The following FAM149A variants were observed in gnomAD, a reference collection of about 807,000 sequenced individuals.
FAM149A encodes protein FAM149A.
Under a neutral mutation model 78.2 loss-of-function variants are expected in FAM149A, and 71 were observed. The observed-to-expected ratio is 0.91, with a 90% CI of 0.75 to 1.11. FAM149A has a LOEUF of 1.11. Among genes scored for constraint, FAM149A ranks in the 50% least tolerant of loss-of-function variants. The pLI is 0.00. For synonymous variants in FAM149A, 446 were observed against 410.5 expected (o/e 1.09, Z -1.04); for missense variants, 1,036 against 971.0 (o/e 1.07, Z -0.89).
At chr4:186,107,459 C>T (rs1579750302) in intron 1 of FAM149A, 1 of 152,166 alleles carries the variant, frequency 6.6e-6, no homozygotes, top group Non-Finnish European at 1.5e-5. Context: ...CCTTCTGTCA[C>T]CCAGGTTGGA....
chr4:186,161,399 C>A (rs1022896708), intron 8 of FAM149A, among the ~76,000 whole-genome samples: 1 of 152,144 alleles, frequency 6.6e-6, no homozygotes, highest in Non-Finnish European at 1.5e-5. Flanking sequence ...GAGAACAGAG[C>A]GTCTCAGAGG....
intron 1 of FAM149A, among the ~76,000 whole-genome samples, chr4:186,111,482 C>T (rs2099311265): frequency 1.3e-5 from 2 of 152,086 alleles, no homozygotes; most frequent in Admixed American, 6.5e-5. Context: ...TGCCAATGTC[C>T]TGAATGGTAA....
chr4:186,125,201 C>T (rs2099317785), intron 1 of FAM149A: 1 of 961,442 alleles, frequency 1.0e-6, no homozygotes, highest in African/African-American at 1.8e-5. Context: ...TGGCATCTCA[C>T]AAACCTTTTC....
At chr4:186,116,626 A>G (rs1174003590) in intron 1 of FAM149A, 1 of 973,442 alleles carries the variant, frequency 1.0e-6, no homozygotes, top group African/African-American at 1.8e-5. Context: ...ACAGAGTCTC[A>G]CTCTGTCACC....
chr4:186,104,887 C>G lies in FAM149A; in HGVS notation c.-190C>G. The G allele has an allele frequency of 1.1e-6, 1 of 889,044 alleles. No homozygotes were observed. Among genetic ancestry groups the G allele is most frequent in the African/African-American group, 1.8e-5 (1 of 55,464 alleles). 55.1% of individuals were successfully genotyped at this position (889,044 alleles called of 1,614,324 possible). A position where few individuals can be genotyped will look rare whatever the true frequency, so the allele number is the denominator to read the frequency against. On this transcript the variant is annotated 5_prime_UTR_variant, in exon 1 of 14. Coordinates refer to ENST00000389354, the MANE Select transcript of FAM149A (RefSeq NM_001367768.3). The stretch of plus-strand genomic sequence containing the variant: ...GCAGCCGGGGCGCTCGGCGGACGGA[C>G]CCGGGCCGGGGAAGGGCGACCCCAG...
At chr4:186,152,539 C>CTTTTTTTT (rs10718602) in intron 4 of FAM149A, among the ~76,000 whole-genome samples, 58 of 88,280 alleles carry the variant, frequency 6.6e-4, no homozygotes, top group Non-Finnish European at 9.1e-4. Context: ...TTTCTTTTTG[C>CTTTTTTTT]TTTTTTTTTT....
intron 1 of FAM149A, among the ~76,000 whole-genome samples, chr4:186,134,202 A>AT (rs1051010429): frequency 1.9e-4 from 29 of 152,022 alleles, no homozygotes; most frequent in Admixed American, 6.5e-5. Context: ...TCTTTTTTAC[A>AT]TTTTTTGGCA....
rs1483931540 is a variant in FAM149A at position 186,104,761 on chromosome 4, C to CGTCTGG, written c.-315_-314insTCTGGG. Among the ~76,000 whole-genome samples the CGTCTGG allele has an allele frequency of 1.4e-5, 2 of 139,108 alleles. No homozygotes were observed. Among genetic ancestry groups the CGTCTGG allele is most frequent in the Non-Finnish European group, 3.2e-5 (2 of 61,872 alleles). The allele number at this position is 139,108 out of a possible 152,430, so 91.3% of individuals were successfully genotyped here. ...GCAACCGCGGGCGGCGGGCGGCGGG[C>CGTCTGG]GGCGGGCGTCTGGGGCGGGCGGCGG... On this transcript the variant is annotated 5_prime_UTR_variant, in exon 1 of 14. Transcript: ENST00000389354.
At chr4:186,108,886 C>G (rs1156567873) in intron 1 of FAM149A, among the ~76,000 whole-genome samples, 1 of 148,338 alleles carries the variant, frequency 6.7e-6, no homozygotes, top group South Asian at 2.1e-4. Flanking sequence ...CTTGCTCTGT[C>G]GCCCAGGCTG....
At chr4:186,105,936 GTGTT>G (rs768518868) in intron 1 of FAM149A, among the ~76,000 whole-genome samples, 5 of 152,320 alleles carry the variant, frequency 3.3e-5, no homozygotes, top group East Asian at 1.9e-4. Flanking sequence ...GCTACTTAGA[GTGTT>G]TGTTTGGTTT....
rs1398695679 is a variant in FAM149A, at chr4:186,169,413, A to C, written c.2218+2151A>C. 3.0e-6 allele frequency: 3 copies of C among 985,316 alleles called. No homozygotes were observed. The African/African-American group carries it at 5.2e-5, about 17-fold the overall frequency. 61.0% of individuals were successfully genotyped at this position (985,316 alleles called of 1,614,324 possible). A position where few individuals can be genotyped will look rare whatever the true frequency, so the allele number is the denominator to read the frequency against. On this transcript the variant is annotated intron_variant, in intron 13 of 13. Coordinates refer to ENST00000389354, the MANE Select transcript of FAM149A (RefSeq NM_001367768.3). ...CCCCATGCAGACGTCCCCAGGCCCC[A>C]GGTGAGGCACATGTGGCCTCACACA... is the stretch of plus-strand genomic sequence containing the variant.
In FAM149A at chr4:186,151,906, T is replaced by A. The variant is rs1320129439; in HGVS notation, c.793T>A (p.Phe265Ile). 1 of 1,613,924 alleles carries A rather than the reference T, an allele frequency of 6.2e-7. No individual in the cohort carries two copies. Among genetic ancestry groups the A allele is most frequent in the South Asian group, 1.1e-5 (1 of 91,060 alleles). Residue 265 changes from phenylalanine to isoleucine, a missense_variant, in exon 4 of 14, where the codon TTT becomes ATT. Around this residue, in one of 3 missense-constraint regions of FAM149A, gnomAD observed 716 missense variants for 711.8 expected, o/e 1.01. Transcript: ENST00000389354. ...CCAAGTGTGCATTTCTGTTTAGGAA[T>A]TTGACGAAGCCAGTTCACAGTCAGT...
In FAM149A at chr4:186,144,505, G is replaced by A. The variant is rs890131614; in HGVS notation, c.567-4668G>A. ...GGTGTGCGCACCCTTTGATGGGGCG[G>A]GGATAGGCGAGATGGTCCTGTGGTT... is the stretch of plus-strand genomic sequence containing the variant. On this transcript the variant is annotated intron_variant, in intron 1 of 13. Transcript: ENST00000389354. This position sits in a 1 kb window ranked among gnomAD's most constrained non-coding sequence, Gnocchi z 4.2. The A allele has an allele frequency of 4.6e-5, 7 of 152,322 alleles. No homozygotes were observed. The highest frequency in any genetic ancestry group is 1.7e-4 in the African/African-American group (7 of 41,454). 9.4% of individuals were successfully genotyped at this position (152,322 alleles called of 1,614,324 possible). A position where few individuals can be genotyped will look rare whatever the true frequency, so the allele number is the denominator to read the frequency against.
intron 1 of FAM149A, among the ~76,000 whole-genome samples, chr4:186,140,254 A>G (rs1043328059): frequency 4.6e-5 from 7 of 152,120 alleles, no homozygotes; most frequent in Non-Finnish European, 4.4e-5. Flanking sequence ...ATCTTATATT[A>G]CTAATTAATT....
intron 1 of FAM149A, among the ~76,000 whole-genome samples, chr4:186,137,289 A>G (rs1305663373): frequency 1.3e-5 from 2 of 151,646 alleles, no homozygotes; most frequent in Non-Finnish European, 2.9e-5. Context: ...GCCACCTTTC[A>G]GGTGGCTGAA....
At chr4:186,112,047 T>C (rs1347104507) in intron 1 of FAM149A, among the ~76,000 whole-genome samples, 1 of 145,688 alleles carries the variant, frequency 6.9e-6, no homozygotes, top group East Asian at 2.1e-4. Context: ...GTTCTTCCAT[T>C]TGTTTGTATC....
Position 186,143,782 on chromosome 4 carries a change from C to T in FAM149A, c.567-5391C>T, listed in dbSNP as rs1029130837. 2.0e-4 allele frequency among the ~76,000 whole-genome samples: 30 copies of T among 152,294 alleles called. 1 individual carries two copies. Among genetic ancestry groups the T allele is most frequent in the Non-Finnish European group, 4.0e-4 (27 of 68,026 alleles). On this transcript the variant is annotated intron_variant, in intron 1 of 13. Coordinates refer to ENST00000389354, the MANE Select transcript of FAM149A (RefSeq NM_001367768.3). Reference sequence around the variant, plus strand: ...CTGATCTCAAGTGATCCGCCCACCTCAGCCTTCCAAAGTGCTGGGATTACA... The same window carrying T: ...CTGATCTCAAGTGATCCGCCCACCTTAGCCTTCCAAAGTGCTGGGATTACA...
chr4:186,146,907 T>A, intron 1 of FAM149A: 1 of 985,486 alleles, frequency 1.0e-6, no homozygotes, highest in Non-Finnish European at 1.2e-6. Flanking sequence ...TTTGAGTCTT[T>A]CAACCGAGGG....
intron 1 of FAM149A, chr4:186,118,252 C>G (rs1305154777): frequency 1.0e-6 from 1 of 984,970 alleles, no homozygotes; most frequent in African/African-American, 1.7e-5. Context: ...TCAAGACCCT[C>G]TGAAATGAGG....
Sources: gnomAD v4.1 joint callset for allele counts (sites outside exome capture counted in the v4.1 genomes callset) on GRCh38, gnomAD v4.1.1 for gene constraint, gnomAD v4.1.1 regional missense constraint, Gnocchi (gnomAD v3.1) non-coding constraint, MANE v1.5 for transcripts, NCBI Gene and HGNC (gene_info 2026-07-23, HGNC 2026-07-21) for gene names.